GPC6: variants seen among roughly 807,000 people sequenced by gnomAD.
GPC6 encodes glypican 6, also known as glypican-6.
GPC6 carries 14 observed loss-of-function variants against 55.2 expected under a neutral mutation model. The observed-to-expected ratio is 0.25, with a 90% CI of 0.17 to 0.40. GPC6 has a LOEUF of 0.40. Among genes scored for constraint, GPC6 ranks in the 10% least tolerant of loss-of-function variants. The probability of loss-of-function intolerance (pLI) is 1.00; values close to 1 mark genes in which losing one functional copy is unlikely to be tolerated. For missense variants in GPC6, 641 were observed against 708.5 expected (o/e 0.90, Z 1.08); for synonymous variants, 278 against 259.6 (o/e 1.07, Z -0.68).
chr13:93,375,479 A>T (rs1476996177), intron 1 of GPC6, among the ~76,000 whole-genome samples: 1 of 152,188 alleles, frequency 6.6e-6, no homozygotes, highest in African/African-American at 2.4e-5. Context: ...CCTTCCTGGC[A>T]CTTCCCTCCC....
intron 2 of GPC6, among the ~76,000 whole-genome samples, chr13:93,688,555 C>A (rs767123543): frequency 6.6e-6 from 1 of 151,870 alleles, no homozygotes; most frequent in Non-Finnish European, 1.5e-5. Context: ...AAACAAAATG[C>A]ACTATATACA....
At chr13:93,719,662 A>G (rs1245328330) in intron 2 of GPC6, among the ~76,000 whole-genome samples, 1 of 152,038 alleles carries the variant, frequency 6.6e-6, no homozygotes, top group Non-Finnish European at 1.5e-5. Flanking sequence ...GTCTTGTGCC[A>G]GTTTTCAAAG....
At chr13:93,371,251 A>ATAGCCT (rs781690418) in intron 1 of GPC6, among the ~76,000 whole-genome samples, 21 of 152,088 alleles carry the variant, frequency 1.4e-4, no homozygotes, top group Non-Finnish European at 2.5e-4. Context: ...TGGGGGTAGT[A>ATAGCCT]TAGCCTTCCG....
At chr13:93,461,109 TTTG>T (rs900369964) in intron 1 of GPC6, among the ~76,000 whole-genome samples, 15 of 152,258 alleles carry the variant, frequency 9.9e-5, no homozygotes, top group Middle Eastern at 6.8e-3. Context: ...TGATGGGTTT[TTTG>T]TTGTTGTTCT....
In GPC6 at chr13:93,802,573, G is replaced by T. The variant is rs532476007; in HGVS notation, c.320-27581G>T. Among the ~76,000 whole-genome samples, 83 of 151,998 alleles carry T rather than the reference G, an allele frequency of 5.5e-4. No homozygotes were observed. In the South Asian group the frequency reaches 0.016, roughly 30 times the overall value. ...ACCACCAATCCTGGCTAAGGTGTTT[G>T]TTTGTTTTTTTGTAGAGACAGGGGT... is the stretch of plus-strand genomic sequence containing the variant. On this transcript the variant is annotated intron_variant, in intron 2 of 8. Coordinates refer to ENST00000377047, the MANE Select transcript of GPC6 (RefSeq NM_005708.5).
chr13:94,403,673 G>C lies in GPC6; in HGVS notation c.*456G>C. On this transcript the variant is annotated 3_prime_UTR_variant, in exon 9 of 9. Coordinates refer to ENST00000377047, the MANE Select transcript of GPC6 (RefSeq NM_005708.5). Reference sequence around the variant, plus strand: ...AGAAAAATAAATGAACTTTAACACTGTAAGTTCAGCATTGACAGCCAACTT... The same window carrying C: ...AGAAAAATAAATGAACTTTAACACTCTAAGTTCAGCATTGACAGCCAACTT... 1 of 216,710 alleles carries C rather than the reference G, an allele frequency of 4.6e-6. No homozygotes were observed. Among genetic ancestry groups the C allele is most frequent in the South Asian group, 7.3e-5 (1 of 13,722 alleles). The allele number at this position is 216,710 out of a possible 1,614,324, so 13.4% of individuals were successfully genotyped here. A position where few individuals can be genotyped will look rare whatever the true frequency, so the allele number is the denominator to read the frequency against.
chr13:94,278,589 T>C (rs1892280947), intron 4 of GPC6, among the ~76,000 whole-genome samples: 1 of 152,176 alleles, frequency 6.6e-6, no homozygotes, highest in Admixed American at 6.5e-5. Context: ...AAATAGCTCT[T>C]GTTATTTTGA....
At chr13:93,687,655 A>G (rs1414100803) in intron 2 of GPC6, among the ~76,000 whole-genome samples, 2 of 152,096 alleles carry the variant, frequency 1.3e-5, no homozygotes, top group African/African-American at 2.4e-5. Context: ...ACAAATTAAT[A>G]TATATGTAAA....
intron 2 of GPC6, among the ~76,000 whole-genome samples, chr13:93,752,917 A>T (rs903650645): frequency 2.0e-5 from 3 of 152,204 alleles, no homozygotes; most frequent in Non-Finnish European, 4.4e-5. Context: ...CATTAACTTT[A>T]CATTGTCAGC....
At chr13:94,259,712 A>G (rs569348738) in intron 4 of GPC6, among the ~76,000 whole-genome samples, 9 of 152,226 alleles carry the variant, frequency 5.9e-5, no homozygotes, top group Admixed American at 2.0e-4. Context: ...TCCTATCTCT[A>G]TGAATCTGCC....
chr13:93,625,843 G>T (rs1040248289), intron 2 of GPC6, among the ~76,000 whole-genome samples: 2 of 152,134 alleles, frequency 1.3e-5, no homozygotes, highest in African/African-American at 4.8e-5. Context: ...TCTTCACTTA[G>T]AGCATGGGGT....
chr13:93,658,342 T>C lies in GPC6; in HGVS notation c.319+112921T>C, dbSNP rs566536475. On this transcript the variant is annotated intron_variant, in intron 2 of 8. Transcript: ENST00000377047. ...TTTAAAATATATCTGCATTGCTGTA[T>C]ATGACATTATTTTGTTGTTTTAGGA... 4.6e-5 allele frequency among the ~76,000 whole-genome samples: 7 copies of C among 152,146 alleles called. No individual in the cohort carries two copies. The South Asian group carries it at 1.4e-3, about 31-fold the overall frequency.
intron 4 of GPC6, among the ~76,000 whole-genome samples, chr13:94,275,279 T>A (rs763626196): frequency 6.6e-6 from 1 of 152,138 alleles, no homozygotes; most frequent in Non-Finnish European, 1.5e-5. Context: ...ATCATTGCTA[T>A]GAAGAATCAA....
chr13:93,639,375 G>A (rs1879819150), intron 2 of GPC6, among the ~76,000 whole-genome samples: 1 of 152,074 alleles, frequency 6.6e-6, no homozygotes, highest in African/African-American at 2.4e-5. Context: ...GAAAACCCTT[G>A]GGGAGCCAGA....
intron 1 of GPC6, among the ~76,000 whole-genome samples, chr13:93,299,494 T>C (rs1029184955): frequency 5.3e-5 from 8 of 152,234 alleles, no homozygotes; most frequent in Admixed American, 2.0e-4. Context: ...TATTTTGATT[T>C]ACCTAAAATA....
At chr13:93,335,286 A>AT (rs1305627125) in intron 1 of GPC6, among the ~76,000 whole-genome samples, 2 of 152,258 alleles carry the variant, frequency 1.3e-5, no homozygotes, top group Non-Finnish European at 2.9e-5. Context: ...TGCTGACTAT[A>AT]TATAATTCTC....
At chr13:93,591,259 C>A (rs992731473) in intron 2 of GPC6, among the ~76,000 whole-genome samples, 1 of 151,322 alleles carries the variant, frequency 6.6e-6, no homozygotes, top group Non-Finnish European at 1.5e-5. Context: ...GTCAGGATAT[C>A]GAGCCCATCC....
chr13:93,939,597 GA>G (rs1878621029), intron 3 of GPC6, among the ~76,000 whole-genome samples: 1 of 151,806 alleles, frequency 6.6e-6, no homozygotes, highest in Non-Finnish European at 1.5e-5. Context: ...AATGACAGAT[GA>G]GCCACAGAAA....
intron 1 of GPC6, among the ~76,000 whole-genome samples, chr13:93,373,086 T>C (rs1396421867): frequency 6.6e-6 from 1 of 152,172 alleles, no homozygotes; most frequent in Non-Finnish European, 1.5e-5. Context: ...TGTATAATAG[T>C]ACAAAAGTGA....
Sources: allele counts gnomAD v4.1 joint callset (sites outside exome capture counted in the v4.1 genomes callset), GRCh38; gene constraint gnomAD v4.1.1; transcripts MANE v1.5; gene names NCBI Gene and HGNC (gene_info 2026-07-23, HGNC 2026-07-21).